Variants in ATP6V1C1 observed in about 807,000 individuals in gnomAD.
The protein encoded by ATP6V1C1 is V-type proton ATPase subunit C 1.
A neutral mutation model predicts 53.9 loss-of-function variants in ATP6V1C1; 45 were observed. The ratio of observed to expected loss-of-function variants is 0.83; its 90% CI spans 0.66 to 1.07. The LOEUF (loss-of-function observed/expected upper bound fraction) is 1.07. Ranked by LOEUF, ATP6V1C1 falls within the 50% of genes least tolerant of loss-of-function variation. The pLI, the probability that ATP6V1C1 is intolerant of heterozygous loss-of-function variation, is 0.00. For synonymous variants in ATP6V1C1, 153 were observed against 155.2 expected (o/e 0.99, Z 0.11); for missense variants, 315 against 440.3 (o/e 0.72, Z 2.55).
intron 12 of ATP6V1C1, among the ~76,000 whole-genome samples, chr8:103,068,133 C>G (rs1470188512): frequency 2.6e-5 from 4 of 152,158 alleles, no homozygotes; most frequent in Non-Finnish European, 5.9e-5. Context: ...GCACGCAGTA[C>G]CACTGCTGGT....
rs370817997 is a variant in ATP6V1C1, at chr8:103,066,294, C to T, written c.927-27C>T. ...TCTCTTTACATGTTTGCTTGTATTG[C>T]GTACTGTATTTCTGCTTTTTTGTAA... is the stretch of plus-strand genomic sequence containing the variant. On this transcript the variant is annotated intron_variant, in intron 11 of 12. Transcript: ENST00000518738. 102 of 1,589,056 alleles carry T rather than the reference C, an allele frequency of 6.4e-5. No homozygotes were observed. The African/African-American group carries it at 9.5e-4, about 15-fold the overall frequency.
At chr8:103,049,528 G>T (rs1474744256) in intron 4 of ATP6V1C1, among the ~76,000 whole-genome samples, 1 of 152,140 alleles carries the variant, frequency 6.6e-6, no homozygotes, top group Non-Finnish European at 1.5e-5. Flanking sequence ...TTAGAAAGAT[G>T]ATTCTGACCC....
At chr8:103,021,260 C>T (rs997726481) in intron 1 of ATP6V1C1, 35 bp downstream of exon 1, 1 of 152,720 alleles carries the variant, frequency 6.5e-6, no homozygotes, top group Non-Finnish European at 1.5e-5. Flanking sequence ...GATGGGGAGT[C>T]CTGGTCAGGC....
intron 3 of ATP6V1C1, among the ~76,000 whole-genome samples, chr8:103,046,770 G>T (rs940951853): frequency 3.3e-5 from 5 of 152,060 alleles, no homozygotes; most frequent in Non-Finnish European, 7.4e-5. Context: ...TGTAGAATAT[G>T]GTATATGTGG....
At chr8:103,054,048 T>C (rs1817246697) in intron 7 of ATP6V1C1, 66 bp downstream of exon 7, 2 of 1,297,100 alleles carry the variant, frequency 1.5e-6, no homozygotes, top group Non-Finnish European at 2.2e-6. Context: ...TATCTAGTAT[T>C]GTAGTTTGAA....
chr8:103,049,940 G>A (rs1266604930), intron 4 of ATP6V1C1, among the ~76,000 whole-genome samples: 1 of 151,960 alleles, frequency 6.6e-6, no homozygotes, highest in African/African-American at 2.4e-5. Flanking sequence ...CTGGGTGACA[G>A]AGCAAGACCC....
At chr8:103,029,422 AC>A (rs1260347249) in intron 1 of ATP6V1C1, among the ~76,000 whole-genome samples, 1 of 151,714 alleles carries the variant, frequency 6.6e-6, no homozygotes, top group African/African-American at 2.4e-5. Context: ...GATGCGTGCC[AC>A]CGTGTCTTGC....
At chr8:103,045,928 G>A (rs1042502988) in intron 3 of ATP6V1C1, among the ~76,000 whole-genome samples, 5 of 151,412 alleles carry the variant, frequency 3.3e-5, no homozygotes, top group African/African-American at 4.8e-5. Context: ...GTGACAGAGC[G>A]TGACTCCGTT....
intron 1 of ATP6V1C1, among the ~76,000 whole-genome samples, chr8:103,038,549 A>T (rs1394057881): frequency 1.3e-5 from 2 of 152,258 alleles, no homozygotes; most frequent in African/African-American, 4.8e-5. Flanking sequence ...AGATATGTAC[A>T]CATTGTTCAC....
chr8:103,029,601 G>C lies in ATP6V1C1; in HGVS notation c.-40+8376G>C, dbSNP rs867204880. Among the ~76,000 whole-genome samples, 9 of 151,904 alleles carry C rather than the reference G, an allele frequency of 5.9e-5. No homozygotes were observed. In the Middle Eastern group the frequency reaches 0.02, roughly 344 times the overall value. ...GTTTCTCATCTGCAGAATTTTCTTGGGCTCCCATGTGATGTGTAATTATTT... is the reference window on the plus strand; with the variant it reads ...GTTTCTCATCTGCAGAATTTTCTTGCGCTCCCATGTGATGTGTAATTATTT... On this transcript the variant is annotated intron_variant, in intron 1 of 12. Coordinates refer to ENST00000518738, the MANE Select transcript of ATP6V1C1 (RefSeq NM_001695.5).
chr8:103,041,224 T>G (rs1451372750), intron 2 of ATP6V1C1, among the ~76,000 whole-genome samples: 3 of 152,248 alleles, frequency 2.0e-5, no homozygotes, highest in Non-Finnish European at 2.9e-5. Flanking sequence ...ATGTGTTACA[T>G]TCACAAATAT....
chr8:103,048,827 A>G, intron 3 of ATP6V1C1, 43 bp from the exon 4 acceptor site: 1 of 1,528,476 alleles, frequency 6.5e-7, no homozygotes, highest in Non-Finnish European at 9.0e-7. Flanking sequence ...TGGAATTTAG[A>G]TCTTTTTCCT....
intron 1 of ATP6V1C1, among the ~76,000 whole-genome samples, chr8:103,028,861 G>C (rs1816743147): frequency 6.6e-6 from 1 of 152,182 alleles, no homozygotes; most frequent in African/African-American, 2.4e-5. Context: ...CAATTAACCA[G>C]CTTTGCCCTT....
intron 1 of ATP6V1C1, among the ~76,000 whole-genome samples, chr8:103,024,024 G>A (rs555317255): frequency 4.6e-5 from 7 of 152,114 alleles, no homozygotes; most frequent in Non-Finnish European, 1.0e-4. Context: ...GGATAGAGCT[G>A]TTCAATTTAC....
At position 103,051,067 on chromosome 8, in the gene ATP6V1C1, A is replaced by G. The variant is rs1209515256; in HGVS notation, c.304A>G (p.Ile102Val). ...LANGVDLVTY[I>V]TRFQWDMAKY... ...TATTTCAGTGGACTTGGTTACTTAT[A>G]TAACAAGGTTCCAGTGGGACATGGC... Residue 102 changes from isoleucine (I) to valine (V), a missense_variant, in exon 5 of 13, where the codon ATA (isoleucine) becomes GTA (valine). By Grantham distance (29) the Ile-to-Val change is conservative. Coordinates refer to ENST00000518738, the MANE Select transcript of ATP6V1C1 (RefSeq NM_001695.5). 15 of 1,605,424 alleles carry G rather than the reference A, an allele frequency of 9.3e-6. No homozygotes were observed. The African/African-American group carries it at 1.3e-4, about 14-fold the overall frequency.
chr8:103,040,393 G>C (rs1172066649), intron 1 of ATP6V1C1, among the ~76,000 whole-genome samples: 4 of 149,300 alleles, frequency 2.7e-5, no homozygotes, highest in Non-Finnish European at 5.9e-5. Context: ...CAGCCTGGGC[G>C]ACAGAGTGAG....
At chr8:103,035,626 A>G (rs994030944) in intron 1 of ATP6V1C1, among the ~76,000 whole-genome samples, 6 of 152,188 alleles carry the variant, frequency 3.9e-5, no homozygotes, top group African/African-American at 1.4e-4. Flanking sequence ...AATCATCCGC[A>G]GGAAGGGCGG....
chr8:103,042,279 C>G, intron 2 of ATP6V1C1, 61 bp from the exon 3 acceptor site: 1 of 1,439,376 alleles, frequency 6.9e-7, no homozygotes, highest in African/African-American at 1.4e-5. Context: ...CAAGATGAAT[C>G]ATCTTGTTTT....
rs552239306 is a variant in ATP6V1C1 at position 103,072,908 on chromosome 8, A to G, written c.*4161A>G. 6.6e-6 allele frequency: 1 copy of G among 152,366 alleles called. No individual in the cohort carries two copies. Among genetic ancestry groups the G allele is most frequent in the East Asian group, 1.9e-4 (1 of 5,192 alleles). The allele number at this position is 152,366 out of a possible 1,614,324, so 9.4% of individuals were successfully genotyped here. ...GGAATGGTCAAGATAATGCAAGAAG[A>G]AAAAAGCTTTCAAACAAATCAGAAG... On this transcript the variant is annotated 3_prime_UTR_variant, in exon 13 of 13. Transcript: ENST00000518738.
Sources: gnomAD v4.1 joint callset for allele counts (sites outside exome capture counted in the v4.1 genomes callset) on GRCh38, gnomAD v4.1.1 for gene constraint, MANE v1.5 for transcripts, NCBI Gene and HGNC (gene_info 2026-07-23, HGNC 2026-07-21) for gene names.